The following OR10G9 variants were observed in gnomAD, a reference collection of about 807,000 sequenced individuals.
The protein encoded by OR10G9 is olfactory receptor family 10 subfamily G member 9.
For missense variants in OR10G9, 347 were observed against 378.6 expected, an observed-to-expected ratio of 0.92 and a Z score of 0.69; for synonymous variants, 149 against 161.0, an observed-to-expected ratio of 0.93 and a Z score of 0.56.
In OR10G9 at chr11:124,023,814, G is replaced by A. The variant is rs781243349; in HGVS notation, c.802G>A (p.Asp268Asn). Residue 268 changes from aspartate (D) to asparagine (N), a missense_variant, in exon 1 of 1, where the codon GAT becomes AAT. Transcript: ENST00000375024. ...YLRPGSRDVV[D>N]GVVAIFYTVL... Reference sequence around the variant, plus strand: ...GAGACCAGGCTCCAGGGACGTCGTGGATGGAGTTGTGGCCATTTTCTACAC... The same window carrying A: ...GAGACCAGGCTCCAGGGACGTCGTGAATGGAGTTGTGGCCATTTTCTACAC... The A allele has an allele frequency of 1.2e-6, 2 of 1,614,132 alleles. No individual in the cohort carries two copies. Among genetic ancestry groups the A allele is most frequent in the East Asian group, 4.5e-5 (2 of 44,874 alleles).
Position 124,023,521 on chromosome 11 carries a change from C to A in OR10G9, c.509C>A (p.Pro170His). 2 of 1,613,810 alleles carry A rather than the reference C, an allele frequency of 1.2e-6. No homozygotes were observed. The highest frequency in any genetic ancestry group is 1.7e-6 in the Non-Finnish European group (2 of 1,179,866). The change falls in exon 1 of 1, where the codon CCC becomes CAC. Residue 170 changes from proline (P) to histidine (H), a missense_variant. Coordinates refer to ENST00000375024, the MANE Select transcript of OR10G9 (RefSeq NM_001001953.1). ...ACTTTCCATTTGCCCTACTGTGGAC[C>A]CAACCAGATCCAGCACTATTTGTGT... ...ILTFHLPYCG[P>H]NQIQHYLCDA...
Position 124,023,278 on chromosome 11 carries a change from G to C in OR10G9, c.266G>C (p.Arg89Thr), listed in dbSNP as rs777814464. 5.7e-6 allele frequency: 9 copies of C among 1,567,078 alleles called. No homozygotes were observed. The highest frequency in any genetic ancestry group is 7.0e-6 in the Non-Finnish European group (8 of 1,142,600). Reference sequence around the variant, plus strand: ...ATGACCTTGGTGTCCCCAAGCGGCAGGGCTATCTCCTTCCACAGCTGCGTG... The same window carrying C: ...ATGACCTTGGTGTCCCCAAGCGGCACGGCTATCTCCTTCCACAGCTGCGTG... The part of the protein sequence containing the change: ...MLMTLVSPSG[R>T]AISFHSCVAQ... The change falls in exon 1 of 1, where the codon AGG (arginine) becomes ACG (threonine). Residue 89 changes from arginine (R) to threonine (T), a missense_variant. By Grantham distance (71) the Arg-to-Thr change is moderately conservative. Transcript: ENST00000375024.
rs750980383 is a variant in OR10G9 at position 124,023,309 on chromosome 11, G to C, written c.297G>C (p.Gln99His). 13 of 1,579,450 alleles carry C rather than the reference G, an allele frequency of 8.2e-6. No individual in the cohort carries two copies. In the South Asian group the frequency reaches 1.3e-4, roughly 16 times the overall value. The change falls in exon 1 of 1, where the codon CAG becomes CAC. Residue 99 changes from glutamine to histidine, a missense_variant. Transcript: ENST00000375024. ...TCTCCTTCCACAGCTGCGTGGCTCA[G>C]CTCTATTTTTTCCACTTCCTGGGGA... ...RAISFHSCVA[Q>H]LYFFHFLGST...
At position 124,023,492 on chromosome 11, in the gene OR10G9, A is replaced by C; in HGVS notation, c.480A>C (p.Ile160=). 1 of 1,613,336 alleles carries C rather than the reference A, an allele frequency of 6.2e-7. No homozygotes were observed. Among genetic ancestry groups the C allele is most frequent in the Non-Finnish European group, 8.5e-7 (1 of 1,179,760 alleles). The change falls in exon 1 of 1, where the codon ATA becomes ATC. Residue 160 remains isoleucine (I), a synonymous_variant. Transcript: ENST00000375024. ...CTCTGCACTCTGCTGTCCAGACCAT[A>C]TTGACTTTCCATTTGCCCTACTGTG... ...SGSLHSAVQT[I]LTFHLPYCGP...
At position 124,023,270 on chromosome 11, in the gene OR10G9, A is replaced by C. The variant is rs757979907; in HGVS notation, c.258A>C (p.Pro86=). 1 of 1,572,924 alleles carries C rather than the reference A, an allele frequency of 6.4e-7. No individual in the cohort carries two copies. The highest frequency in any genetic ancestry group is 1.1e-5 in the South Asian group (1 of 89,562). Residue 86 remains proline, a synonymous_variant, in exon 1 of 1, where the codon CCA becomes CCC. Coordinates refer to ENST00000375024, the MANE Select transcript of OR10G9 (RefSeq NM_001001953.1). The part of the protein sequence containing the change: ...VPKMLMTLVS[P]SGRAISFHSC... ...AAATGCTGATGACCTTGGTGTCCCC[A>C]AGCGGCAGGGCTATCTCCTTCCACA... is the stretch of plus-strand genomic sequence containing the variant.
Position 124,023,875 on chromosome 11 carries a change from C to T in OR10G9, c.863C>T (p.Thr288Ile), listed in dbSNP as rs1284829689. 2 of 1,613,210 alleles carry T rather than the reference C, an allele frequency of 1.2e-6. No individual in the cohort carries two copies. The highest frequency in any genetic ancestry group is 1.7e-4 in the Middle Eastern group (1 of 6,040). The change falls in exon 1 of 1, where the codon ACC becomes ATC. Residue 288 changes from threonine to isoleucine, a missense_variant. Transcript: ENST00000375024. ...LTPLLNPVVY[T>I]LRNKEVKKAV... Reference sequence around the variant, plus strand: ...CCCCTTCTCAACCCTGTTGTGTACACCCTGAGAAACAAGGAGGTGAAGAAA... The same window carrying T: ...CCCCTTCTCAACCCTGTTGTGTACATCCTGAGAAACAAGGAGGTGAAGAAA...
In OR10G9 at chr11:124,023,259, T is replaced by C. The variant is rs538793321; in HGVS notation, c.247T>C (p.Leu83=). The C allele has an allele frequency of 2.5e-6, 4 of 1,593,812 alleles. No homozygotes were observed. In the South Asian group the frequency reaches 4.4e-5, roughly 18 times the overall value. ...TVTVPKMLMT[L]VSPSGRAISF... is the part of the protein sequence containing the mutation. ...CACGGTGCCCAAAATGCTGATGACC[T>C]TGGTGTCCCCAAGCGGCAGGGCTAT... Residue 83 remains leucine, a synonymous_variant, in exon 1 of 1, where the codon TTG becomes CTG. Transcript: ENST00000375024.
In OR10G9 at chr11:124,023,764, T is replaced by C. The variant is rs1251598776; in HGVS notation, c.752T>C (p.Phe251Ser). Reference protein sequence around the residue: ...ASHCIVVLCFFVPCVFIYLRP... With the variant: ...ASHCIVVLCFSVPCVFIYLRP... ...CACTGCATCGTGGTCCTTTGCTTTTTTGTTCCCTGTGTTTTCATTTACCTG... is the reference window on the plus strand; with the variant it reads ...CACTGCATCGTGGTCCTTTGCTTTTCTGTTCCCTGTGTTTTCATTTACCTG... Residue 251 changes from phenylalanine to serine, a missense_variant, in exon 1 of 1, where the codon TTT becomes TCT. Phe to Ser is a radical substitution (Grantham distance 155). Transcript: ENST00000375024. The C allele has an allele frequency of 1.2e-6, 2 of 1,614,206 alleles. No homozygotes were observed. The highest frequency in any genetic ancestry group is 4.5e-5 in the East Asian group (2 of 44,860).
Position 124,023,399 on chromosome 11 carries a change from C to T in OR10G9, c.387C>T (p.Leu129=), listed in dbSNP as rs1389879119. ...GCTACTTGGCCATCAGTTACCCGCT[C>T]AGGTACACCAGCATGATGAGTGGGA... ...YDRYLAISYP[L]RYTSMMSGSR... is the part of the protein sequence containing the mutation. The change falls in exon 1 of 1, where the codon CTC becomes CTT. Residue 129 remains leucine (L), a synonymous_variant. Coordinates refer to ENST00000375024, the MANE Select transcript of OR10G9 (RefSeq NM_001001953.1). The T allele has an allele frequency of 6.2e-7, 1 of 1,610,540 alleles. No individual in the cohort carries two copies. Among genetic ancestry groups the T allele is most frequent in the Admixed American group, 1.7e-5 (1 of 59,734 alleles).
Position 124,023,313 on chromosome 11 carries a change from T to C in OR10G9, c.301T>C (p.Tyr101His). ...ISFHSCVAQL[Y>H]FFHFLGSTEC... ...CTTCCACAGCTGCGTGGCTCAGCTC[T>C]ATTTTTTCCACTTCCTGGGGAGCAC... The change falls in exon 1 of 1, where the codon TAT becomes CAT. Residue 101 changes from tyrosine to histidine, a missense_variant. Physicochemically the swap from Tyr to His is moderately conservative, Grantham distance 83. Transcript: ENST00000375024. 6.3e-7 allele frequency: 1 copy of C among 1,582,838 alleles called. No individual in the cohort carries two copies. The highest frequency in any genetic ancestry group is 8.7e-7 in the Non-Finnish European group (1 of 1,154,934).
In OR10G9 at chr11:124,023,719, C is replaced by A. The variant is rs756843569; in HGVS notation, c.707C>A (p.Ala236Asp). The A allele has an allele frequency of 6.2e-7, 1 of 1,614,120 alleles. No individual in the cohort carries two copies. Among genetic ancestry groups the A allele is most frequent in the South Asian group, 1.1e-5 (1 of 91,078 alleles). ...CACACCTCAGAGGGGAGGCACAGAG[C>A]CTTTCAGACCTGTGCCTCCCACTGC... The part of the protein sequence containing the change: ...RIHTSEGRHR[A>D]FQTCASHCIV... The change falls in exon 1 of 1, where the codon GCC (alanine) becomes GAC (aspartate). Residue 236 changes from alanine to aspartate, a missense_variant. Coordinates refer to ENST00000375024, the MANE Select transcript of OR10G9 (RefSeq NM_001001953.1).
Position 124,023,368 on chromosome 11 carries a change from A to G in OR10G9, c.356A>G (p.Tyr119Cys), listed in dbSNP as rs1309052731. Residue 119 changes from tyrosine to cysteine, a missense_variant, in exon 1 of 1, where the codon TAT becomes TGT. Transcript: ENST00000375024. ...TECFLYTVMS[Y>C]DRYLAISYPL... ...TGTTTCCTCTACACAGTCATGTCCTATGATCGCTACTTGGCCATCAGTTAC... is the reference window on the plus strand; with the variant it reads ...TGTTTCCTCTACACAGTCATGTCCTGTGATCGCTACTTGGCCATCAGTTAC... The G allele has an allele frequency of 1.8e-5, 29 of 1,602,264 alleles. No homozygotes were observed. Among genetic ancestry groups the G allele is most frequent in the East Asian group, 2.2e-5 (1 of 44,762 alleles).
Position 124,023,112 on chromosome 11 carries a change from G to C in OR10G9, c.100G>C (p.Val34Leu). 1 of 1,613,542 alleles carries C rather than the reference G, an allele frequency of 6.2e-7. No individual in the cohort carries two copies. The highest frequency in any genetic ancestry group is 2.2e-5 in the East Asian group (1 of 44,872). ...PLFGIFLVVY[V>L]LTVLGNLLIL... ...CTTTGGAATCTTCCTGGTGGTTTACGTGCTCACTGTGCTGGGGAACCTCCT... is the reference window on the plus strand; with the variant it reads ...CTTTGGAATCTTCCTGGTGGTTTACCTGCTCACTGTGCTGGGGAACCTCCT... Residue 34 changes from valine (V) to leucine (L), a missense_variant, in exon 1 of 1, where the codon GTG (valine) becomes CTG (leucine). Physicochemically the swap from Val to Leu is conservative, Grantham distance 32. Transcript: ENST00000375024.
Position 124,023,948 on chromosome 11 carries a change from A to T in OR10G9, c.936A>T (p.Ter312TyrextTer?). The change falls in exon 1 of 1, where the codon TAA becomes TAT. Residue 312 changes from the stop codon to tyrosine, a stop_lost. Coordinates refer to ENST00000375024, the MANE Select transcript of OR10G9 (RefSeq NM_001001953.1). ...RDKVAHSQGE* is the reference protein window; with the variant it reads ...RDKVAHSQGEY ...AAGTAGCACATTCTCAGGGAGAATA[A>T]ATACTAGGAAGTAGATACACTAGTT... 1 of 1,572,426 alleles carries T rather than the reference A, an allele frequency of 6.4e-7. No individual in the cohort carries two copies. The highest frequency in any genetic ancestry group is 8.6e-7 in the Non-Finnish European group (1 of 1,163,826).
Sources: allele counts gnomAD v4.1 joint callset, GRCh38; gene constraint gnomAD v4.1.1; transcripts MANE v1.5; gene names NCBI Gene and HGNC (gene_info 2026-07-23, HGNC 2026-07-21).